Variants in MAGI3 observed in about 807,000 individuals in gnomAD.
MAGI3 encodes membrane-associated guanylate kinase, WW and PDZ domain-containing protein 3.
Under a neutral mutation model 121.8 loss-of-function variants are expected in MAGI3, and 43 were observed. The observed-to-expected ratio is 0.35, with a 90% confidence interval of 0.28 to 0.46. MAGI3 has a LOEUF of 0.46. Ranked by LOEUF, MAGI3 falls within the 20% of genes least tolerant of loss-of-function variation. MAGI3 has a pLI of 1.00. For synonymous variants in MAGI3, 553 were observed against 639.3 expected, an observed-to-expected ratio of 0.86 and a Z score of 2.04; for missense variants, 1,547 against 1,797.3, an observed-to-expected ratio of 0.86 and a Z score of 2.52.
chr1:113,580,468 A>C, intron 2 of MAGI3, 74 bp from the exon 3 acceptor site: 2 of 1,403,854 alleles, frequency 1.4e-6, no homozygotes, highest in South Asian at 2.7e-5. Context: ...TACAAACTGA[A>C]TATTCTTTTA....
At chr1:113,600,166 CAG>C (rs1294237222) in intron 6 of MAGI3, among the ~76,000 whole-genome samples, 2 of 152,164 alleles carry the variant, frequency 1.3e-5, no homozygotes, top group African/African-American at 2.4e-5. Flanking sequence ...TGGCACAAGA[CAG>C]GGGTGCCCTC....
chr1:113,456,008 T>C (rs909384656), intron 1 of MAGI3, among the ~76,000 whole-genome samples: 1 of 151,866 alleles, frequency 6.6e-6, no homozygotes, highest in Admixed American at 6.6e-5. Context: ...TGGAGTGCAG[T>C]GGCATGATCT....
chr1:113,641,948 C>T lies in MAGI3; in HGVS notation c.1398C>T (p.Leu466=), dbSNP rs769263873. ...VIVDINGNCV[L]GHTHADVVQM... is the part of the protein sequence containing the mutation. ...TAGACATCAATGGCAACTGTGTCCTCGGTCACACTCATGCAGATGTTGTCC... is the reference window on the plus strand; with the variant it reads ...TAGACATCAATGGCAACTGTGTCCTTGGTCACACTCATGCAGATGTTGTCC... The change falls in exon 10 of 21, where the codon CTC becomes CTT. Residue 466 remains leucine (L), a synonymous_variant. Coordinates refer to ENST00000307546, the MANE Select transcript of MAGI3 (RefSeq NM_001142782.2). 4.7e-5 allele frequency: 75 copies of T among 1,599,746 alleles called. 1 individual carries two copies. Among genetic ancestry groups the T allele is most frequent in the Middle Eastern group, 1.7e-4 (1 of 6,052 alleles).
intron 16 of MAGI3, among the ~76,000 whole-genome samples, chr1:113,662,294 C>A (rs944303736): frequency 6.6e-6 from 1 of 152,198 alleles, no homozygotes; most frequent in Non-Finnish European, 1.5e-5. Context: ...TAAAAGACTT[C>A]CAAACTGTAG....
At chr1:113,418,753 C>A (rs976191377) in intron 1 of MAGI3, among the ~76,000 whole-genome samples, 1 of 152,064 alleles carries the variant, frequency 6.6e-6, no homozygotes, top group Non-Finnish European at 1.5e-5. Context: ...AGTATTTAGA[C>A]ACCTGTTTGC....
chr1:113,636,433 C>G (rs373540884), intron 9 of MAGI3, among the ~76,000 whole-genome samples: 1 of 152,108 alleles, frequency 6.6e-6, no homozygotes, highest in Non-Finnish European at 1.5e-5. Context: ...TTGTGTCTTT[C>G]TTCTTGTTGG....
intron 6 of MAGI3, 24 bp downstream of exon 6, chr1:113,594,584 A>G (rs776083681): frequency 9.5e-6 from 15 of 1,571,172 alleles, no homozygotes; most frequent in South Asian, 5.7e-5. Context: ...AACTTACTCT[A>G]TCATACTTAT....
At chr1:113,610,199 T>C (rs1291357567) in intron 6 of MAGI3, among the ~76,000 whole-genome samples, 1 of 152,152 alleles carries the variant, frequency 6.6e-6, no homozygotes, top group Non-Finnish European at 1.5e-5. Context: ...AGTGGCGCGA[T>C]CTCGGCTCAC....
chr1:113,481,848 G>A lies in MAGI3; in HGVS notation c.317-67667G>A, dbSNP rs190016669. Among the ~76,000 whole-genome samples the A allele has an allele frequency of 8.9e-3, 1,359 of 152,200 alleles. 8 individuals are homozygous for A. Among genetic ancestry groups the A allele is most frequent in the Non-Finnish European group, 0.015 (1,006 of 68,006 alleles). ...AGAAGTCCAACATGGATCTCATGGGGCCAAAGTCAAGATGTCACAGGACTA... is the reference window on the plus strand; with the variant it reads ...AGAAGTCCAACATGGATCTCATGGGACCAAAGTCAAGATGTCACAGGACTA... On this transcript the variant is annotated intron_variant, in intron 1 of 20. Coordinates refer to ENST00000307546, the MANE Select transcript of MAGI3 (RefSeq NM_001142782.2).
At chr1:113,565,467 C>T (rs1174573165) in intron 2 of MAGI3, among the ~76,000 whole-genome samples, 1 of 152,160 alleles carries the variant, frequency 6.6e-6, no homozygotes, top group Non-Finnish European at 1.5e-5. Context: ...GAATGTTCCA[C>T]AACAGCATTC....
intron 7 of MAGI3, among the ~76,000 whole-genome samples, chr1:113,615,814 A>C (rs1288069574): frequency 6.6e-6 from 1 of 152,230 alleles, no homozygotes; most frequent in Non-Finnish European, 1.5e-5. Flanking sequence ...TGATGTAAAA[A>C]GTATACAGCA....
intron 1 of MAGI3, among the ~76,000 whole-genome samples, chr1:113,438,807 A>T (rs1488120095): frequency 6.6e-6 from 1 of 152,252 alleles, no homozygotes; most frequent in Non-Finnish European, 1.5e-5. Flanking sequence ...GGGGACAAAC[A>T]TCTAAACTCT....
At chr1:113,668,774 G>A (rs1647332316) in intron 16 of MAGI3, among the ~76,000 whole-genome samples, 1 of 150,482 alleles carries the variant, frequency 6.6e-6, no homozygotes, top group South Asian at 2.1e-4. Context: ...AGTAGAGACG[G>A]GGTTTCACCT....
intron 1 of MAGI3, among the ~76,000 whole-genome samples, chr1:113,505,287 A>AT (rs1176278442): frequency 2.0e-5 from 3 of 152,052 alleles, no homozygotes; most frequent in Non-Finnish European, 2.9e-5. Context: ...ATCTATCTGT[A>AT]TTTTTTGTCC....
At chr1:113,470,334 C>T (rs899134324) in intron 1 of MAGI3, among the ~76,000 whole-genome samples, 1 of 151,892 alleles carries the variant, frequency 6.6e-6, no homozygotes, top group Non-Finnish European at 1.5e-5. Context: ...TCTGAATTGC[C>T]ACCACCACCA....
intron 1 of MAGI3, among the ~76,000 whole-genome samples, chr1:113,456,766 C>G (rs774802274): frequency 2.0e-5 from 3 of 151,468 alleles, no homozygotes; most frequent in Non-Finnish European, 2.9e-5. Context: ...TCTGTCCAAA[C>G]CAATATCCCA....
chr1:113,436,675 A>C (rs1003422975), intron 1 of MAGI3, among the ~76,000 whole-genome samples: 3 of 152,058 alleles, frequency 2.0e-5, no homozygotes, highest in Non-Finnish European at 4.4e-5. Flanking sequence ...TCCTTTAATG[A>C]ATAAACATCA....
chr1:113,660,346 A>G (rs774283281), intron 16 of MAGI3, among the ~76,000 whole-genome samples: 1 of 152,018 alleles, frequency 6.6e-6, no homozygotes, highest in Non-Finnish European at 1.5e-5. Flanking sequence ...TAGAAGCTCC[A>G]CTGCTTCCCC....
intron 1 of MAGI3, among the ~76,000 whole-genome samples, chr1:113,483,759 T>A (rs1656221326): frequency 6.6e-6 from 1 of 152,206 alleles, no homozygotes; most frequent in Non-Finnish European, 1.5e-5. Context: ...TTTATTTTTC[T>A]CCAACTTTTA....
Sources: allele counts gnomAD v4.1 joint callset (sites outside exome capture counted in the v4.1 genomes callset), GRCh38; gene constraint gnomAD v4.1.1; transcripts MANE v1.5; gene names NCBI Gene and HGNC (gene_info 2026-07-23, HGNC 2026-07-21).